Variants in TEAD4 observed in about 807,000 individuals in gnomAD.
TEAD4 encodes the protein TEA domain transcription factor 4.
Under a neutral mutation model 52.4 loss-of-function variants are expected in TEAD4, and 36 were observed. The observed-to-expected ratio is 0.69, with a 90% CI of 0.53 to 0.91. The LOEUF (loss-of-function observed/expected upper bound fraction) is 0.91. TEAD4 is among the 40% of genes least tolerant of loss of function. The pLI is 0.00. For missense variants in TEAD4, 508 were observed against 583.9 expected, an observed-to-expected ratio of 0.87 and a Z score of 1.34; for synonymous variants, 220 against 231.0, an observed-to-expected ratio of 0.95 and a Z score of 0.43.
At chr12:2,975,422 C>T (rs1591557884) in intron 2 of TEAD4, among the ~76,000 whole-genome samples, 2 of 151,536 alleles carry the variant, frequency 1.3e-5, no homozygotes, top group Admixed American at 1.3e-4. Flanking sequence ...GAGTCTTGCT[C>T]TTGTTGCCCA....
chr12:2,996,253 C>A (rs1448090858), intron 3 of TEAD4, among the ~76,000 whole-genome samples: 1 of 152,054 alleles, frequency 6.6e-6, no homozygotes, highest in Non-Finnish European at 1.5e-5. Context: ...ATTCATTTCT[C>A]CCCCACACCC....
At chr12:3,003,238 T>G (rs531501293) in intron 3 of TEAD4, among the ~76,000 whole-genome samples, 73 of 152,366 alleles carry the variant, frequency 4.8e-4, no homozygotes, top group South Asian at 4.4e-3. Flanking sequence ...TCTCAGCTCC[T>G]CAGTCCTTTT....
Position 3,019,146 on chromosome 12 carries a change from G to C in TEAD4, c.559G>C (p.Val187Leu), listed in dbSNP as rs747692032. 17 of 1,613,910 alleles carry C rather than the reference G, an allele frequency of 1.1e-5. No individual in the cohort carries two copies. The highest frequency in any genetic ancestry group is 1.4e-5 in the Non-Finnish European group (16 of 1,180,004). Residue 187 changes from valine (V) to leucine (L), a missense_variant, in exon 8 of 13, where the codon GTC becomes CTC. Physicochemically the swap from Val to Leu is conservative, Grantham distance 32. Coordinates refer to ENST00000359864, the MANE Select transcript of TEAD4 (RefSeq NM_003213.4). ...GCCTTTCTCTCAGCAAACCTATGCT[G>C]TCCAGCCTCCGCTGCCTCTGCCAGG...
chr12:2,967,703 T>C (rs372495472), intron 2 of TEAD4, among the ~76,000 whole-genome samples: 1 of 152,216 alleles, frequency 6.6e-6, no homozygotes, highest in African/African-American at 2.4e-5. Flanking sequence ...TAGACCATTA[T>C]TCTAGACATT....
chr12:2,978,679 C>T (rs1437745037), intron 2 of TEAD4, among the ~76,000 whole-genome samples: 4 of 152,032 alleles, frequency 2.6e-5, no homozygotes, highest in East Asian at 1.9e-4. Context: ...GCTGGGATTA[C>T]GGGTGTGAAC....
intron 5 of TEAD4, among the ~76,000 whole-genome samples, chr12:3,012,591 G>T (rs938000179): frequency 1.3e-5 from 2 of 152,154 alleles, no homozygotes; most frequent in East Asian, 3.9e-4. Context: ...AGGGGCATGG[G>T]GGGGTGCCTG....
At chr12:3,022,114 A>C in intron 10 of TEAD4, 97 bp downstream of exon 10, 1 of 1,489,528 alleles carries the variant, frequency 6.7e-7, no homozygotes, top group Non-Finnish European at 9.1e-7. Context: ...TCACAGTAGA[A>C]ACTTGGGGAG....
intron 10 of TEAD4, among the ~76,000 whole-genome samples, chr12:3,028,741 G>T (rs982368427): frequency 6.6e-6 from 1 of 151,646 alleles, no homozygotes; most frequent in Non-Finnish European, 1.5e-5. Flanking sequence ...ACTGATTCTC[G>T]TACCTCAGCC....
At chr12:2,986,924 C>A (rs1021460943) in intron 2 of TEAD4, among the ~76,000 whole-genome samples, 3 of 152,134 alleles carry the variant, frequency 2.0e-5, no homozygotes, top group Non-Finnish European at 2.9e-5. Context: ...CTTATGGGAC[C>A]CCCTTTGAAT....
chr12:2,998,393 G>A (rs1449950666), intron 3 of TEAD4, among the ~76,000 whole-genome samples: 1 of 151,716 alleles, frequency 6.6e-6, no homozygotes, highest in South Asian at 2.1e-4. Flanking sequence ...GACTTGGGTT[G>A]GAATTCTCTT....
chr12:2,981,558 T>TA (rs1396713062), intron 2 of TEAD4, among the ~76,000 whole-genome samples: 1 of 152,232 alleles, frequency 6.6e-6, no homozygotes, highest in East Asian at 1.9e-4. Flanking sequence ...CCATAGCACT[T>TA]ACCTGTTTGC....
At chr12:3,000,865 G>A (rs2098251207) in intron 3 of TEAD4, among the ~76,000 whole-genome samples, 1 of 152,182 alleles carries the variant, frequency 6.6e-6, no homozygotes, top group Non-Finnish European at 1.5e-5. Context: ...GCCTGAGTTT[G>A]GGACTAGATA....
At chr12:2,982,717 T>G (rs541025757) in intron 2 of TEAD4, among the ~76,000 whole-genome samples, 1 of 152,292 alleles carries the variant, frequency 6.6e-6, no homozygotes, top group East Asian at 1.9e-4. Context: ...CCCATTTCGG[T>G]AACAAACCCT....
intron 3 of TEAD4, among the ~76,000 whole-genome samples, chr12:2,998,091 AC>A (rs1489810331): frequency 1.3e-5 from 2 of 152,142 alleles, no homozygotes; most frequent in African/African-American, 4.8e-5. Context: ...GTGGAATCAT[AC>A]AACATTTGCC....
intron 3 of TEAD4, 51 bp downstream of exon 3, chr12:2,995,043 C>G: frequency 2.5e-6 from 4 of 1,579,778 alleles, no homozygotes; most frequent in Non-Finnish European, 3.4e-6. Context: ...GGCAAGGGGC[C>G]GACACCAGAA....
chr12:3,016,918 C>T lies in TEAD4; in HGVS notation c.355-480C>T, dbSNP rs114278516. On this transcript the variant is annotated intron_variant, in intron 5 of 12. Transcript: ENST00000359864. The stretch of plus-strand genomic sequence containing the variant: ...GGTGAGTCCCAGGTGCCTACAGTGC[C>T]CAGGGAGATCCTTAGGGCAGGACTG... 1,114 of 349,192 alleles carry T rather than the reference C, an allele frequency of 3.2e-3. 13 individuals are homozygous for T. Among genetic ancestry groups the T allele is most frequent in the African/African-American group, 0.023 (1,061 of 46,830 alleles). 21.6% of individuals were successfully genotyped at this position (349,192 alleles called of 1,614,324 possible).
intron 10 of TEAD4, among the ~76,000 whole-genome samples, chr12:3,035,841 AG>A (rs1469261359): frequency 5.1e-4 from 76 of 149,680 alleles, no homozygotes; most frequent in East Asian, 2.0e-3. Context: ...AAAAAAAAGA[AG>A]AAGAAGAAGA....
At position 3,019,111 on chromosome 12, in the gene TEAD4, G is replaced by T. The variant is rs201444232; in HGVS notation, c.528-4G>T. ...TGACACCTCCCCTCCTCTCTCTCCC[G>T]CAGTGTGAAGCCTTTCTCTCAGCAA... On this transcript the variant is annotated splice_polypyrimidine_tract_variant and splice_region_variant and intron_variant, in intron 7 of 12. Transcript: ENST00000359864. The T allele has an allele frequency of 3.2e-4, 515 of 1,613,774 alleles. No individual in the cohort carries two copies. The highest frequency in any genetic ancestry group is 4.1e-4 in the Non-Finnish European group (489 of 1,179,934).
intron 10 of TEAD4, among the ~76,000 whole-genome samples, chr12:3,024,338 A>G (rs965955305): frequency 3.3e-5 from 5 of 152,152 alleles, no homozygotes; most frequent in African/African-American, 1.2e-4. Flanking sequence ...AGCCTCCCAA[A>G]GTAATGTTCA....
Sources: allele counts gnomAD v4.1 joint callset (sites outside exome capture counted in the v4.1 genomes callset), GRCh38; gene constraint gnomAD v4.1.1; transcripts MANE v1.5; gene names NCBI Gene and HGNC (gene_info 2026-07-23, HGNC 2026-07-21).